Variants in NUP54 observed in about 807,000 individuals in gnomAD.
The protein encoded by NUP54 is nucleoporin p54.
Under a neutral mutation model 66.4 loss-of-function variants are expected in NUP54, and 27 were observed. The observed-to-expected ratio is 0.41, with a 90% CI of 0.30 to 0.56. The LOEUF is 0.56. Ranked by LOEUF, NUP54 falls within the 20% of genes least tolerant of loss-of-function variation. The pLI is 0.34. For missense variants in NUP54, 486 were observed against 596.3 expected (o/e 0.82, Z 1.93); for synonymous variants, 206 against 210.7 (o/e 0.98, Z 0.19).
At chr4:76,137,541 C>T (rs879837437) in intron 3 of NUP54, among the ~76,000 whole-genome samples, 2 of 152,056 alleles carry the variant, frequency 1.3e-5, no homozygotes, top group African/African-American at 4.8e-5. Context: ...TAAACATTTT[C>T]CTTTCTCTCA....
intron 11 of NUP54, among the ~76,000 whole-genome samples, chr4:76,115,975 A>C (rs1399680292): frequency 1.3e-5 from 2 of 152,164 alleles, no homozygotes; most frequent in Admixed American, 6.5e-5. Flanking sequence ...ACTGGTATTC[A>C]CTCACTTAAC....
At chr4:76,134,972 A>C (rs1730971074) in intron 4 of NUP54, among the ~76,000 whole-genome samples, 1 of 152,124 alleles carries the variant, frequency 6.6e-6, no homozygotes, top group Non-Finnish European at 1.5e-5. Context: ...AGGTGTATTA[A>C]ATGCATTTCT....
Position 76,118,096 on chromosome 4 carries a change from T to C in NUP54, c.1263A>G (p.Leu421=), listed in dbSNP as rs572483387. 1.2e-5 allele frequency: 19 copies of C among 1,613,918 alleles called. No individual in the cohort carries two copies. The highest frequency in any genetic ancestry group is 1.6e-5 in the Non-Finnish European group (19 of 1,179,912). The change falls in exon 10 of 12, where the codon CTA becomes CTG. Residue 421 remains leucine, a synonymous_variant. Coordinates refer to ENST00000264883, the MANE Select transcript of NUP54 (RefSeq NM_017426.4). The part of the protein sequence containing the change: ...RVQLDTIQGE[L]NAPTQFKGRL... ...TTACCTTGAACTGAGTAGGTGCATT[T>C]AGTTCACCCTGAATCGTATCCAGCT... is the stretch of plus-strand genomic sequence containing the variant.
At chr4:76,131,431 T>A in intron 6 of NUP54, 147 bp from the exon 7 acceptor site, 1 of 510,740 alleles carries the variant, frequency 2.0e-6, no homozygotes, top group Non-Finnish European at 3.4e-6. Flanking sequence ...AAATACAAAT[T>A]TTTGCAGAAT....
rs1368848475 is a variant in NUP54 at position 76,117,695 on chromosome 4, A to G, written c.1364T>C (p.Ile455Thr). The change falls in exon 11 of 12, where the codon ATA becomes ACA. Residue 455 changes from isoleucine (I) to threonine (T), a missense_variant. Transcript: ENST00000264883. Reference protein sequence around the residue: ...GAVRSEERYYIDADLLREIKQ... With the variant: ...GAVRSEERYYTDADLLREIKQ... ...GATTTCTCGTAACAGATCTGCATCT[A>G]TGTAATACCTTTCTTCAGATCTGAC... The G allele has an allele frequency of 1.2e-6, 2 of 1,613,234 alleles. No individual in the cohort carries two copies. Among genetic ancestry groups the G allele is most frequent in the South Asian group, 1.1e-5 (1 of 91,046 alleles).
intron 8 of NUP54, 26 bp from the exon 9 acceptor site, chr4:76,124,782 GA>G: frequency 1.2e-5 from 6 of 498,762 alleles, no homozygotes; most frequent in Non-Finnish European, 1.1e-5. Context: ...TTGGGGGGGG[GA>G]GGGTTAATCA....
intron 4 of NUP54, among the ~76,000 whole-genome samples, chr4:76,135,365 T>C (rs1560687368): frequency 6.6e-6 from 1 of 152,256 alleles, no homozygotes; most frequent in Non-Finnish European, 1.5e-5. Flanking sequence ...CATTTTACCA[T>C]GTTATACACC....
chr4:76,129,692 C>T (rs186807778), intron 8 of NUP54, among the ~76,000 whole-genome samples: 1 of 151,624 alleles, frequency 6.6e-6, no homozygotes, highest in Non-Finnish European at 1.5e-5. Flanking sequence ...GGTGAAACCC[C>T]GTCTCTACTA....
intron 1 of NUP54, chr4:76,147,852 G>A (rs945085352): frequency 2.9e-6 from 1 of 343,268 alleles, no homozygotes; most frequent in East Asian, 7.4e-5. Context: ...AGGACCACAG[G>A]GGGCCGGGGG....
chr4:76,124,677 A>G lies in NUP54; in HGVS notation c.1136T>C (p.Leu379Pro). ...TAAAGTTCTATGGGAAAGATCCATG[A>G]GTTTCCTCTTGTATTGTGCAATTTT... ...VAKIAQYKRK[L>P]MDLSHRTLQV... is the part of the protein sequence containing the mutation. The change falls in exon 9 of 12, where the codon CTC (leucine) becomes CCC (proline). Residue 379 changes from leucine to proline, a missense_variant. Coordinates refer to ENST00000264883, the MANE Select transcript of NUP54 (RefSeq NM_017426.4). 6.5e-7 allele frequency: 1 copy of G among 1,536,176 alleles called. No individual in the cohort carries two copies. Among genetic ancestry groups the G allele is most frequent in the Non-Finnish European group, 8.9e-7 (1 of 1,129,298 alleles).
chr4:76,125,182 T>C (rs1270214392), intron 8 of NUP54, among the ~76,000 whole-genome samples: 2 of 151,976 alleles, frequency 1.3e-5, no homozygotes, highest in African/African-American at 4.8e-5. Context: ...TCCCAGCTAC[T>C]TGGAAGGCTG....
At chr4:76,139,231 ATTAGG>A (rs1181226284) in intron 3 of NUP54, among the ~76,000 whole-genome samples, 7 of 152,180 alleles carry the variant, frequency 4.6e-5, no homozygotes, top group Non-Finnish European at 4.4e-5. Context: ...GAATGAAACC[ATTAGG>A]TTAAAGTAGT....
chr4:76,148,168 C>T, intron 1 of NUP54, 140 bp downstream of exon 1: 2 of 672,478 alleles, frequency 3.0e-6, no homozygotes, highest in Non-Finnish European at 4.4e-6. Flanking sequence ...ACTCTGCCGC[C>T]GCCCGCCCTT....
chr4:76,133,057 TA>T (rs1560685860), intron 5 of NUP54, among the ~76,000 whole-genome samples: 2 of 149,162 alleles, frequency 1.3e-5, no homozygotes, highest in African/African-American at 4.9e-5. Flanking sequence ...GATATATATA[TA>T]TATATATTTT....
At chr4:76,118,023 C>T in intron 10 of NUP54, 52 bp downstream of exon 10, 3 of 1,579,920 alleles carry the variant, frequency 1.9e-6, no homozygotes, top group Admixed American at 1.7e-5. Flanking sequence ...AACTTTTTGT[C>T]TGCAGATCCA....
intron 8 of NUP54, among the ~76,000 whole-genome samples, chr4:76,125,754 AGAGGGGGAGAGGGG>A (rs1316420780): frequency 2.5e-4 from 4 of 15,922 alleles, no homozygotes; most frequent in Admixed American, 5.9e-4. Context: ...AGAGAGGGGG[AGAGGGGGAGAGGGG>A]GAGAGAGGGA....
Position 76,115,270 on chromosome 4 carries a change from TTC to T in NUP54, c.*94_*95del. ...AAAACCAATCCAAGAAAGAATTGTT[TTC>T]TTTTTCCCTCCATGTGGTCGGTTTC... is the stretch of plus-strand genomic sequence containing the variant. On this transcript the variant is annotated 3_prime_UTR_variant, in exon 12 of 12. Coordinates refer to ENST00000264883, the MANE Select transcript of NUP54 (RefSeq NM_017426.4). 8.8e-7 allele frequency: 1 copy of T among 1,136,986 alleles called. No individual in the cohort carries two copies. The highest frequency in any genetic ancestry group is 1.2e-6 in the Non-Finnish European group (1 of 850,096). 70.4% of individuals were successfully genotyped at this position (1,136,986 alleles called of 1,614,324 possible).
At chr4:76,147,956 T>A (rs996980455) in intron 1 of NUP54, 1 of 322,740 alleles carries the variant, frequency 3.1e-6, no homozygotes, top group African/African-American at 2.1e-5. Context: ...TTCCCGCCCA[T>A]CCAGGAGGCT....
intron 9 of NUP54, among the ~76,000 whole-genome samples, chr4:76,120,787 A>T (rs1029810754): frequency 4.6e-5 from 7 of 152,204 alleles, no homozygotes; most frequent in African/African-American, 1.7e-4. Context: ...TAAAGGGACC[A>T]TCTTTTAATG....
Sources: gnomAD v4.1 joint callset for allele counts (sites outside exome capture counted in the v4.1 genomes callset) on GRCh38, gnomAD v4.1.1 for gene constraint, MANE v1.5 for transcripts, NCBI Gene and HGNC (gene_info 2026-07-23, HGNC 2026-07-21) for gene names.